The following CNOT9 variants were observed in gnomAD, a reference collection of about 807,000 sequenced individuals.
CNOT9 encodes the protein CCR4-NOT transcription complex subunit 9.
Under a neutral mutation model 37.4 loss-of-function variants are expected in CNOT9, and 8 were observed. That is an observed-to-expected ratio of 0.21 (90% CI 0.13 to 0.39). The LOEUF (loss-of-function observed/expected upper bound fraction) is 0.39. CNOT9 is among the 10% of genes least tolerant of loss of function. The pLI is 1.00. For missense variants in CNOT9, 154 were observed against 365.3 expected, an observed-to-expected ratio of 0.42 and a Z score of 4.71; for synonymous variants, 120 against 137.6, an observed-to-expected ratio of 0.87 and a Z score of 0.90.
At chr2:218,571,738 A>ATT (rs34883423) in intron 1 of CNOT9, among the ~76,000 whole-genome samples, 14,817 of 122,694 alleles carry the variant, frequency 0.12, 2,775 homozygotes, top group African/African-American at 0.4. Flanking sequence ...CGCCTGGCTA[A>ATT]TTTTTTTTTT....
intron 4 of CNOT9, among the ~76,000 whole-genome samples, chr2:218,586,613 C>T (rs1176776867): frequency 1.3e-5 from 2 of 151,972 alleles, no homozygotes; most frequent in African/African-American, 4.8e-5. Flanking sequence ...CTCAGCATCC[C>T]GAGTAGCTGG....
intron 2 of CNOT9, chr2:218,581,000 T>G (rs1368807473): frequency 1.8e-6 from 1 of 565,820 alleles, no homozygotes; most frequent in Admixed American, 2.2e-5. Context: ...CCCAGGTGAT[T>G]GTGATGCAAG....
rs1240530433 is a variant in CNOT9, at chr2:218,595,671, G to A, written c.*1395G>A. 1 of 151,286 alleles carries A rather than the reference G, an allele frequency of 6.6e-6. No homozygotes were observed. The highest frequency in any genetic ancestry group is 2.4e-5 in the African/African-American group (1 of 41,120). The allele number at this position is 151,286 out of a possible 1,614,324, so 9.4% of individuals were successfully genotyped here. A position where few individuals can be genotyped will look rare whatever the true frequency, so the allele number is the denominator to read the frequency against. On this transcript the variant is annotated 3_prime_UTR_variant, in exon 8 of 8. Coordinates refer to ENST00000273064, the MANE Select transcript of CNOT9 (RefSeq NM_005444.3). Reference sequence around the variant, plus strand: ...GATTGCTTAATCCAACTCTGGAGAGGGACCAAGTCTTTTCTGCCCACATCT... The same window carrying A: ...GATTGCTTAATCCAACTCTGGAGAGAGACCAAGTCTTTTCTGCCCACATCT...
In CNOT9 at chr2:218,581,798, G is replaced by A. The variant is rs1311212574; in HGVS notation, c.204+1058G>A. On this transcript the variant is annotated intron_variant, in intron 2 of 7. Coordinates refer to ENST00000273064, the MANE Select transcript of CNOT9 (RefSeq NM_005444.3). ...TTACAAATAATGTAAATGGAAAATT[G>A]TAGCCAGGTGCAGTGGGTCATGCTT... 2.6e-5 allele frequency among the ~76,000 whole-genome samples: 4 copies of A among 152,272 alleles called. No homozygotes were observed. The East Asian group carries it at 7.7e-4, about 29-fold the overall frequency.
Position 218,592,773 on chromosome 2 carries a change from G to A in CNOT9, c.731+66G>A. 8 of 1,259,856 alleles carry A rather than the reference G, an allele frequency of 6.3e-6. 1 individual carries two copies. The South Asian group carries it at 9.6e-5, about 15-fold the overall frequency. 78.0% of individuals were successfully genotyped at this position (1,259,856 alleles called of 1,614,324 possible). ...CTGCTGAACAGTTTCCTAATCTCAT[G>A]GCATAGCTCCTGTGTCTTTAGGACA... On this transcript the variant is annotated intron_variant, in intron 7 of 7. Coordinates refer to ENST00000273064, the MANE Select transcript of CNOT9 (RefSeq NM_005444.3). This position sits in a 1 kb window ranked among gnomAD's most constrained non-coding sequence, Gnocchi z 4.1.
intron 5 of CNOT9, among the ~76,000 whole-genome samples, chr2:218,591,141 T>G (rs897494663): frequency 2.6e-5 from 4 of 152,180 alleles, no homozygotes; most frequent in African/African-American, 9.7e-5. Context: ...GTTTGGTGAT[T>G]AGGGCCTGGA....
intron 2 of CNOT9, chr2:218,581,019 GA>G (rs772123573): frequency 9.1e-6 from 5 of 548,018 alleles, no homozygotes; most frequent in Admixed American, 4.4e-5. Flanking sequence ...AGTGATCTAA[GA>G]ACTACGCTTT....
intron 1 of CNOT9, among the ~76,000 whole-genome samples, chr2:218,571,814 A>ACCTCAGGTGATCTGCCCG (rs1694005215): frequency 7.1e-6 from 1 of 141,458 alleles, no homozygotes; most frequent in African/African-American, 2.7e-5. Context: ...CGAACTCCTG[A>ACCTCAGGTGATCTGCCCG]CCTCAGGTGA....
intron 7 of CNOT9, 104 bp from the exon 8 acceptor site, chr2:218,594,004 A>G (rs1405087186): frequency 1.7e-6 from 2 of 1,174,230 alleles, no homozygotes; most frequent in Non-Finnish European, 2.5e-6. Flanking sequence ...CCATAGATTC[A>G]CAGTATTCTA....
At chr2:218,582,863 A>T (rs1694441966) in intron 2 of CNOT9, 108 bp from the exon 3 acceptor site, 4 of 648,242 alleles carry the variant, frequency 6.2e-6, no homozygotes, top group Non-Finnish European at 1.1e-5. Flanking sequence ...TAAAAGATGC[A>T]CAGAATTAAG....
chr2:218,595,485 C>T lies in CNOT9; in HGVS notation c.*1209C>T, dbSNP rs1281007861. The T allele has an allele frequency of 8.2e-6, 1 of 121,756 alleles. No homozygotes were observed. Among genetic ancestry groups the T allele is most frequent in the African/African-American group, 3.0e-5 (1 of 33,258 alleles). The allele number at this position is 121,756 out of a possible 1,614,324, so 7.5% of individuals were successfully genotyped here. On this transcript the variant is annotated 3_prime_UTR_variant, in exon 8 of 8. Transcript: ENST00000273064. Reference sequence around the variant, plus strand: ...TACAGGGTTGCCGCTAAAATATTCACTTGTTCATATCGTGTCAGAGATTTC... The same window carrying T: ...TACAGGGTTGCCGCTAAAATATTCATTTGTTCATATCGTGTCAGAGATTTC...
intron 4 of CNOT9, among the ~76,000 whole-genome samples, chr2:218,587,152 T>A (rs1330243525): frequency 1.3e-5 from 2 of 152,126 alleles, no homozygotes; most frequent in Admixed American, 1.3e-4. Context: ...CTTTTTTTTT[T>A]AGAGAGAGTC....
intron 2 of CNOT9, among the ~76,000 whole-genome samples, chr2:218,582,020 T>C (rs1345183508): frequency 1.3e-5 from 2 of 151,962 alleles, no homozygotes; most frequent in Non-Finnish European, 2.9e-5. Flanking sequence ...AGGTGGAGGC[T>C]GCAGTGAGCC....
intron 1 of CNOT9, among the ~76,000 whole-genome samples, chr2:218,576,131 G>C (rs1559243951): frequency 6.6e-6 from 1 of 152,116 alleles, no homozygotes; most frequent in Non-Finnish European, 1.5e-5. Context: ...TTCTTCTACT[G>C]CCCGCCTCCT....
At chr2:218,584,795 G>A (rs1024407114) in intron 4 of CNOT9, 74 bp downstream of exon 4, 1 of 1,086,970 alleles carries the variant, frequency 9.2e-7, no homozygotes, top group Non-Finnish European at 1.4e-6. Flanking sequence ...TTGTCTTGCC[G>A]GTTATGATTT....
At chr2:218,584,016 G>A (rs1019810128) in intron 3 of CNOT9, among the ~76,000 whole-genome samples, 6 of 152,204 alleles carry the variant, frequency 3.9e-5, no homozygotes, top group African/African-American at 1.4e-4. Flanking sequence ...GTATTGGTTT[G>A]TAAGGTTTAT....
In CNOT9 at chr2:218,584,595, T is replaced by C; in HGVS notation, c.321-17T>C. The C allele has an allele frequency of 6.3e-7, 1 of 1,576,818 alleles. No individual in the cohort carries two copies. The highest frequency in any genetic ancestry group is 8.7e-7 in the Non-Finnish European group (1 of 1,145,998). On this transcript the variant is annotated splice_polypyrimidine_tract_variant and intron_variant, in intron 3 of 7. Transcript: ENST00000273064. ...AATCAACCCTGGGCTGTGAATGTAA[T>C]TATTGTTTTCTTCCAGGTCAGCGTT... is the stretch of plus-strand genomic sequence containing the variant.
Position 218,592,821 on chromosome 2 carries a change from T to TC in CNOT9, c.731+114_731+115insC. 1 of 802,584 alleles carries TC rather than the reference T, an allele frequency of 1.2e-6. No individual in the cohort carries two copies. 49.7% of individuals were successfully genotyped at this position (802,584 alleles called of 1,614,324 possible). A position where few individuals can be genotyped will look rare whatever the true frequency, so the allele number is the denominator to read the frequency against. On this transcript the variant is annotated intron_variant, in intron 7 of 7. Coordinates refer to ENST00000273064, the MANE Select transcript of CNOT9 (RefSeq NM_005444.3). This position sits in a 1 kb window ranked among gnomAD's most constrained non-coding sequence, Gnocchi z 4.1. ...ACAGGGAAGTGGGGATATAACTGCATTTAGTTTGTCTGAGACAGAACTTAG... is the reference window on the plus strand; with the variant it reads ...ACAGGGAAGTGGGGATATAACTGCATCTTAGTTTGTCTGAGACAGAACTTAG...
chr2:218,591,571 C>G (rs1439551776), intron 5 of CNOT9, among the ~76,000 whole-genome samples: 1 of 151,984 alleles, frequency 6.6e-6, no homozygotes, highest in Non-Finnish European at 1.5e-5. Context: ...GGTGAAACCC[C>G]GTCTCTACTA....
Sources: allele counts gnomAD v4.1 joint callset (sites outside exome capture counted in the v4.1 genomes callset), GRCh38; gene constraint gnomAD v4.1.1; non-coding constraint Gnocchi (gnomAD v3.1); transcripts MANE v1.5; gene names NCBI Gene and HGNC (gene_info 2026-07-23, HGNC 2026-07-21).